MTDH: variants seen among roughly 807,000 people sequenced by gnomAD.
MTDH encodes protein LYRIC.
MTDH carries 34 observed loss-of-function variants against 72.7 expected under a neutral mutation model. That is an observed-to-expected ratio of 0.47 (90% CI 0.36 to 0.62). The LOEUF (loss-of-function observed/expected upper bound fraction) is 0.62, where lower values mean the gene tolerates loss of function less well. Ranked by LOEUF, MTDH falls within the 20% of genes least tolerant of loss-of-function variation. MTDH has a pLI of 0.00. For missense variants in MTDH, 677 were observed against 699.4 expected (o/e 0.97, Z 0.36); for synonymous variants, 266 against 268.9 (o/e 0.99, Z 0.10).
At chr8:97,669,386 G>A (rs964240854) in intron 2 of MTDH, among the ~76,000 whole-genome samples, 2 of 151,700 alleles carry the variant, frequency 1.3e-5, no homozygotes, top group African/African-American at 4.8e-5. Context: ...GACCTCAAGC[G>A]ATCCACCTGC....
At chr8:97,683,381 G>GT (rs1472352128) in intron 2 of MTDH, among the ~76,000 whole-genome samples, 19 of 151,410 alleles carry the variant, frequency 1.3e-4, no homozygotes, top group Non-Finnish European at 1.6e-4. Flanking sequence ...ACTTTTCTTT[G>GT]TTTTTTGTTT....
At chr8:97,723,776 C>T (rs577847106) in intron 11 of MTDH, among the ~76,000 whole-genome samples, 3 of 150,920 alleles carry the variant, frequency 2.0e-5, no homozygotes, top group East Asian at 3.9e-4. Context: ...ATTTTTTGGA[C>T]GTTTGTCTAC....
rs1813376397 is a variant in MTDH, at chr8:97,686,679, TAAG to T, written c.501_503del (p.Lys168del). On this transcript the variant is annotated inframe_deletion, in exon 3 of 12. Transcript: ENST00000336273. ...TATTTTACTTTCAGTCAAAGAAAAATAAGAAGAAATCAAAGTCAGATGCTAAAG... is the reference window on the plus strand; with the variant it reads ...TATTTTACTTTCAGTCAAAGAAAAATAAGAAATCAAAGTCAGATGCTAAAG... 2.5e-6 allele frequency: 4 copies of T among 1,569,704 alleles called. No homozygotes were observed. Among genetic ancestry groups the T allele is most frequent in the South Asian group, 1.2e-5 (1 of 81,890 alleles).
At chr8:97,709,002 C>A (rs754714726) in intron 8 of MTDH, among the ~76,000 whole-genome samples, 9 of 151,836 alleles carry the variant, frequency 5.9e-5, no homozygotes, top group Non-Finnish European at 1.2e-4. Context: ...ACCAGCCGGG[C>A]CAAGATGGTG....
intron 2 of MTDH, among the ~76,000 whole-genome samples, chr8:97,681,821 C>T (rs1046761498): frequency 6.6e-6 from 1 of 151,968 alleles, no homozygotes; most frequent in Non-Finnish European, 1.5e-5. Context: ...GTCTCACTTG[C>T]GTGTCATCCT....
chr8:97,664,508 T>A (rs932337485), intron 2 of MTDH, among the ~76,000 whole-genome samples: 1 of 152,232 alleles, frequency 6.6e-6, no homozygotes, highest in African/African-American at 2.4e-5. Context: ...TTGCCTATTC[T>A]ATTTGACTTT....
chr8:97,700,782 TGGA>T (rs1814087019), intron 7 of MTDH, among the ~76,000 whole-genome samples: 1 of 152,200 alleles, frequency 6.6e-6, no homozygotes, highest in African/African-American at 2.4e-5. Context: ...GTTAGTTAAA[TGGA>T]GGAGGGTGGT....
chr8:97,720,811 C>A lies in MTDH; in HGVS notation c.1521+1622C>A, dbSNP rs1202119571. ...TGGGATTACAGGTGCACGCCACCAC[C>A]CCTGGCTAATTTTTATATTTTTAGT... On this transcript the variant is annotated intron_variant, in intron 10 of 11. Transcript: ENST00000336273. 2.6e-5 allele frequency among the ~76,000 whole-genome samples: 4 copies of A among 151,326 alleles called. No individual in the cohort carries two copies. The South Asian group carries it at 6.3e-4, about 24-fold the overall frequency.
At chr8:97,671,370 T>TA (rs1473457994) in intron 2 of MTDH, among the ~76,000 whole-genome samples, 3 of 152,194 alleles carry the variant, frequency 2.0e-5, no homozygotes, top group Non-Finnish European at 4.4e-5. Flanking sequence ...CAAACACAGA[T>TA]ATATGAATCC....
chr8:97,710,587 A>G (rs1814585339), intron 8 of MTDH, among the ~76,000 whole-genome samples: 1 of 147,290 alleles, frequency 6.8e-6, no homozygotes. Flanking sequence ...AATCCCAGCT[A>G]CTTGGGAGGC....
At chr8:97,657,051 C>T (rs993260205) in intron 1 of MTDH, among the ~76,000 whole-genome samples, 1 of 151,864 alleles carries the variant, frequency 6.6e-6, no homozygotes, top group Non-Finnish European at 1.5e-5. Flanking sequence ...GCTATGTGGC[C>T]CCCTCTTACA....
Position 97,661,129 on chromosome 8 carries a change from G to A in MTDH, c.439G>A (p.Val147Ile). The A allele has an allele frequency of 1.2e-6, 2 of 1,613,088 alleles. No individual in the cohort carries two copies. The highest frequency in any genetic ancestry group is 1.1e-5 in the South Asian group (1 of 90,850). The change falls in exon 2 of 12, where the codon GTA (valine) becomes ATA (isoleucine). Residue 147 changes from valine (V) to isoleucine (I), a missense_variant. This residue lies in a region of MTDH where 467 missense variants were observed against 469.1 expected (regional missense o/e 1.00). Coordinates refer to ENST00000336273, the MANE Select transcript of MTDH (RefSeq NM_178812.4). ...EGEAVRTPQS[V>I]TAKQPPEIDK... Reference sequence around the variant, plus strand: ...TGAAGCTGTTCGAACACCTCAAAGTGTAACAGCAAAGCAGCCACCAGAGAT... The same window carrying A: ...TGAAGCTGTTCGAACACCTCAAAGTATAACAGCAAAGCAGCCACCAGAGAT...
chr8:97,649,965 T>C lies in MTDH; in HGVS notation c.381+5078T>C, dbSNP rs1176696645. On this transcript the variant is annotated intron_variant, in intron 1 of 11. Coordinates refer to ENST00000336273, the MANE Select transcript of MTDH (RefSeq NM_178812.4). ...TCTCTACCAATTTCTTTTCTTTTCT[T>C]TTCTTTTTGAAACGGAGTGTCACTC... 2.0e-5 allele frequency among the ~76,000 whole-genome samples: 3 copies of C among 148,796 alleles called. No homozygotes were observed. The Admixed American group carries it at 2.0e-4, about 10-fold the overall frequency.
chr8:97,672,885 C>T (rs1812685055), intron 2 of MTDH, among the ~76,000 whole-genome samples: 1 of 152,118 alleles, frequency 6.6e-6, no homozygotes, highest in African/African-American at 2.4e-5. Context: ...GTTGCTTGTG[C>T]CGTGTGCTAT....
chr8:97,662,665 A>T (rs759147734), intron 2 of MTDH, among the ~76,000 whole-genome samples: 4 of 151,926 alleles, frequency 2.6e-5, no homozygotes, highest in Non-Finnish European at 5.9e-5. Flanking sequence ...ACATGCCTGT[A>T]ATCCCAGCTA....
rs1350584421 is a variant in MTDH at position 97,728,919 on chromosome 8, T to C, written c.*4249T>C. 1 of 151,026 alleles carries C rather than the reference T, an allele frequency of 6.6e-6. No homozygotes were observed. Among genetic ancestry groups the C allele is most frequent in the East Asian group, 1.9e-4 (1 of 5,162 alleles). 9.4% of individuals were successfully genotyped at this position (151,026 alleles called of 1,614,324 possible). A position where few individuals can be genotyped will look rare whatever the true frequency, so the allele number is the denominator to read the frequency against. On this transcript the variant is annotated 3_prime_UTR_variant, in exon 12 of 12. Transcript: ENST00000336273. Reference sequence around the variant, plus strand: ...TTCTCAACCTGTAGCTTTTTTTTTTTTTCTTTTAATGAGATAGGGTCTCAC... The same window carrying C: ...TTCTCAACCTGTAGCTTTTTTTTTTCTTCTTTTAATGAGATAGGGTCTCAC...
chr8:97,644,620 C>T lies in MTDH; in HGVS notation c.114C>T (p.Leu38=). 1 of 1,610,032 alleles carries T rather than the reference C, an allele frequency of 6.2e-7. No homozygotes were observed. The highest frequency in any genetic ancestry group is 8.5e-7 in the Non-Finnish European group (1 of 1,179,230). The change falls in exon 1 of 12, where the codon CTC becomes CTT. Residue 38 remains leucine (L), a synonymous_variant. Coordinates refer to ENST00000336273, the MANE Select transcript of MTDH (RefSeq NM_178812.4). ...GLGFLRTELG[L]DLGLEPKRYP... ...GCTTTCTGCGCACCGAGCTGGGCCT[C>T]GACCTGGGGCTGGAGCCGAAACGGT...
chr8:97,647,244 TG>T lies in MTDH; in HGVS notation c.381+2359del, dbSNP rs138075723. 7.7e-3 allele frequency among the ~76,000 whole-genome samples: 1,174 copies of T among 152,226 alleles called. 15 individuals are homozygous for T. The highest frequency in any genetic ancestry group is 0.026 in the African/African-American group (1,098 of 41,536). On this transcript the variant is annotated intron_variant, in intron 1 of 11. Transcript: ENST00000336273. ...CCCAGGGAGCTTTTTGTTTCAGTCG[TG>T]GAAAAAGATATACTTAAGAAATTAA... is the stretch of plus-strand genomic sequence containing the variant.
At chr8:97,703,015 T>C (rs1814198838) in intron 7 of MTDH, among the ~76,000 whole-genome samples, 1 of 152,202 alleles carries the variant, frequency 6.6e-6, no homozygotes, top group East Asian at 1.9e-4. Flanking sequence ...GTGAATCATT[T>C]TTAAGGGAAC....
Sources: allele counts gnomAD v4.1 joint callset (sites outside exome capture counted in the v4.1 genomes callset), GRCh38; gene constraint gnomAD v4.1.1; regional missense constraint gnomAD v4.1.1; transcripts MANE v1.5; gene names NCBI Gene and HGNC (gene_info 2026-07-23, HGNC 2026-07-21).